The following MEI4 variants were observed in gnomAD, a reference collection of about 807,000 sequenced individuals.
MEI4 encodes meiotic double-stranded break formation protein 4.
A neutral mutation model predicts 31.4 loss-of-function variants in MEI4; 27 were observed. That is an observed-to-expected ratio of 0.86 (90% CI 0.63 to 1.19). The LOEUF (loss-of-function observed/expected upper bound fraction) is 1.19, where lower values mean the gene tolerates loss of function less well. Among genes scored for constraint, MEI4 ranks in the 50% most tolerant of loss-of-function variants. MEI4 has a pLI of 0.00. For synonymous variants in MEI4, 122 were observed against 145.4 expected (o/e 0.84, Z 1.16); for missense variants, 329 against 398.9 (o/e 0.82, Z 1.49).
In MEI4 at chr6:77,923,247, T is replaced by C. The variant is rs1766753376; in HGVS notation, c.1059T>C (p.Thr353=). 1 of 1,230,436 alleles carries C rather than the reference T, an allele frequency of 8.1e-7. No homozygotes were observed. The highest frequency in any genetic ancestry group is 1.0e-6 in the Non-Finnish European group (1 of 986,890). The allele number at this position is 1,230,436 out of a possible 1,614,324, so 76.2% of individuals were successfully genotyped here. A position where few individuals can be genotyped will look rare whatever the true frequency, so the allele number is the denominator to read the frequency against. ...IKKFLQKHDE[T]IFQLSDAFPL... Reference sequence around the variant, plus strand: ...AATTTCTTCAGAAGCATGATGAAACTATTTTCCAACTTTCTGATGCATTTC... The same window carrying C: ...AATTTCTTCAGAAGCATGATGAAACCATTTTCCAACTTTCTGATGCATTTC... The change falls in exon 5 of 5, where the codon ACT becomes ACC. Residue 353 remains threonine (T), a synonymous_variant. Transcript: ENST00000684080.
At chr6:77,734,601 T>G (rs1767124718) in intron 2 of MEI4, among the ~76,000 whole-genome samples, 1 of 152,082 alleles carries the variant, frequency 6.6e-6, no homozygotes, top group East Asian at 1.9e-4. Context: ...AATTTGCCAG[T>G]CTGTGTCTTT....
intron 4 of MEI4, among the ~76,000 whole-genome samples, chr6:77,919,097 A>T (rs1478661752): frequency 1.3e-5 from 2 of 152,054 alleles, no homozygotes; most frequent in Non-Finnish European, 2.9e-5. Context: ...AACAAGACAG[A>T]AAGTCAACAA....
At chr6:77,682,894 A>G (rs778867176) in intron 1 of MEI4, among the ~76,000 whole-genome samples, 7 of 152,334 alleles carry the variant, frequency 4.6e-5, no homozygotes, top group African/African-American at 9.6e-5. Flanking sequence ...GCTGAAGTCA[A>G]TGGGCTCAGT....
intron 4 of MEI4, among the ~76,000 whole-genome samples, chr6:77,842,136 T>A (rs6934787): frequency 2.6e-5 from 4 of 151,878 alleles, no homozygotes; most frequent in Non-Finnish European, 4.4e-5. Flanking sequence ...ATTCATAGTC[T>A]TTTCAAGGGG....
At chr6:77,876,323 T>C (rs538326558) in intron 4 of MEI4, among the ~76,000 whole-genome samples, 90 of 152,298 alleles carry the variant, frequency 5.9e-4, no homozygotes, top group Admixed American at 2.4e-3. Flanking sequence ...AATGGATTCA[T>C]GCTGTTATGG....
At chr6:77,882,989 A>G (rs1285624749) in intron 4 of MEI4, among the ~76,000 whole-genome samples, 2 of 152,162 alleles carry the variant, frequency 1.3e-5, no homozygotes, top group Non-Finnish European at 2.9e-5. Flanking sequence ...ATGATAGTGA[A>G]CTTACTATGG....
At chr6:77,695,877 A>T (rs9448160) in intron 2 of MEI4, among the ~76,000 whole-genome samples, 22,032 of 152,040 alleles carry the variant, frequency 0.14, 1,644 homozygotes, top group Middle Eastern at 0.21. Context: ...TTCACGATAT[A>T]GATTCTTCCT....
rs1462394063 is a variant in MEI4, at chr6:77,925,099, A to AT, written c.*1755dup. On this transcript the variant is annotated 3_prime_UTR_variant, in exon 5 of 5. Transcript: ENST00000684080. ...TCTTCTTTCATTGTGATTAAACAAG[A>AT]TTGGTAAATACACAAGTATCAGCAA... The AT allele has an allele frequency of 6.6e-6, 1 of 151,866 alleles. No homozygotes were observed. Among genetic ancestry groups the AT allele is most frequent in the East Asian group, 1.9e-4 (1 of 5,164 alleles). 9.4% of individuals were successfully genotyped at this position (151,866 alleles called of 1,614,324 possible).
intron 3 of MEI4, among the ~76,000 whole-genome samples, chr6:77,804,420 G>A (rs930017658): frequency 6.6e-5 from 10 of 152,290 alleles, no homozygotes; most frequent in East Asian, 3.9e-4. Flanking sequence ...GCAATGCCTC[G>A]CTTTGCTTTG....
chr6:77,690,630 C>A (rs1769140927), intron 1 of MEI4, 28 bp from the exon 2 acceptor site: 2 of 1,092,504 alleles, frequency 1.8e-6, no homozygotes, highest in Admixed American at 4.3e-5. Flanking sequence ...AAAAGAATTT[C>A]TATAACTTTT....
intron 2 of MEI4, among the ~76,000 whole-genome samples, chr6:77,692,897 G>C (rs1167015196): frequency 6.6e-6 from 1 of 151,976 alleles, no homozygotes; most frequent in East Asian, 1.9e-4. Context: ...CACAGACTTA[G>C]GATCTGTTGG....
intron 3 of MEI4, among the ~76,000 whole-genome samples, chr6:77,785,934 C>G (rs899765786): frequency 6.6e-6 from 1 of 152,080 alleles, no homozygotes; most frequent in Admixed American, 6.6e-5. Context: ...GTATTATAGT[C>G]TTGGATGGTA....
intron 2 of MEI4, among the ~76,000 whole-genome samples, chr6:77,738,020 T>A (rs1442323537): frequency 6.6e-6 from 1 of 152,194 alleles, no homozygotes; most frequent in East Asian, 1.9e-4. Context: ...AAGAAAGTCA[T>A]CTGCCTAAAA....
At chr6:77,915,445 T>C (rs992582900) in intron 4 of MEI4, among the ~76,000 whole-genome samples, 6 of 152,080 alleles carry the variant, frequency 3.9e-5, no homozygotes, top group Non-Finnish European at 8.8e-5. Context: ...TTTTAGACTT[T>C]GAATAAATCA....
chr6:77,734,737 C>T (rs1229767608), intron 2 of MEI4, among the ~76,000 whole-genome samples: 2 of 151,918 alleles, frequency 1.3e-5, no homozygotes, highest in Non-Finnish European at 2.9e-5. Flanking sequence ...TCTCGATGGT[C>T]TTTACCTTTT....
chr6:77,905,456 A>G (rs1766272431), intron 4 of MEI4, among the ~76,000 whole-genome samples: 1 of 138,544 alleles, frequency 7.2e-6, no homozygotes, highest in Admixed American at 7.3e-5. Context: ...ATCTTTCTAT[A>G]GATTGTATAA....
At chr6:77,773,529 C>T (rs1768366615) in intron 3 of MEI4, among the ~76,000 whole-genome samples, 1 of 151,966 alleles carries the variant, frequency 6.6e-6, no homozygotes, top group Non-Finnish European at 1.5e-5. Flanking sequence ...ATACAAAAAT[C>T]AAATCACAGT....
Position 77,751,121 on chromosome 6 carries a change from T to C in MEI4, c.233-10009T>C, listed in dbSNP as rs148190604. Among the ~76,000 whole-genome samples the C allele has an allele frequency of 1.4e-3, 214 of 151,944 alleles. 1 individual carries two copies. Among genetic ancestry groups the C allele is most frequent in the African/African-American group, 4.5e-3 (187 of 41,428 alleles). ...TCTCTGAGACACATTTAAAACAGTG[T>C]GTAGAGAGAAATGTATAGCACTAAA... On this transcript the variant is annotated intron_variant, in intron 2 of 4. Coordinates refer to ENST00000684080, the MANE Select transcript of MEI4 (RefSeq NM_001322247.2).
chr6:77,788,607 G>C (rs573958440), intron 3 of MEI4, among the ~76,000 whole-genome samples: 2 of 151,610 alleles, frequency 1.3e-5, no homozygotes, highest in African/African-American at 2.4e-5. Flanking sequence ...TATACACCAA[G>C]AACAGACAAA....
Sources: allele counts gnomAD v4.1 joint callset (sites outside exome capture counted in the v4.1 genomes callset), GRCh38; gene constraint gnomAD v4.1.1; transcripts MANE v1.5; gene names NCBI Gene and HGNC (gene_info 2026-07-23, HGNC 2026-07-21).